Variants in ALK observed in about 807,000 individuals in gnomAD.
The protein encoded by ALK is ALK receptor tyrosine kinase.
ALK carries 74 observed loss-of-function variants against 163.1 expected under a neutral mutation model. The observed-to-expected ratio is 0.45, with a 90% CI of 0.38 to 0.55. ALK has a LOEUF of 0.55. Ranked by LOEUF, ALK falls within the 20% of genes least tolerant of loss-of-function variation. The pLI is 0.00. For missense variants in ALK, 2,063 were observed against 2,105.3 expected (o/e 0.98, Z 0.39); for synonymous variants, 960 against 843.2 (o/e 1.14, Z -2.40).
intron 27 of ALK, 46 bp from the exon 28 acceptor site, chr2:29,196,906 T>A (rs2148142103): frequency 1.4e-6 from 2 of 1,474,694 alleles, no homozygotes; most frequent in Non-Finnish European, 1.9e-6. Flanking sequence ...AGCACAATGA[T>A]GAAAAATATA....
chr2:29,445,895 C>T (rs1356340102), intron 4 of ALK, among the ~76,000 whole-genome samples: 1 of 150,404 alleles, frequency 6.6e-6, no homozygotes, highest in Admixed American at 6.6e-5. Flanking sequence ...GTCAGGAGAT[C>T]GAGACCATCC....
intron 4 of ALK, among the ~76,000 whole-genome samples, chr2:29,505,206 T>A (rs1300190711): frequency 1.3e-5 from 2 of 152,084 alleles, no homozygotes; most frequent in African/African-American, 4.8e-5. Context: ...GAGAAGGCTG[T>A]GAATTCTCTA....
At chr2:29,696,287 GA>G (rs1326785289) in intron 2 of ALK, among the ~76,000 whole-genome samples, 1 of 152,066 alleles carries the variant, frequency 6.6e-6, no homozygotes, top group East Asian at 1.9e-4. Context: ...CACAGGAACA[GA>G]AAACCAAATA....
At chr2:29,300,228 A>G (rs992173078) in intron 8 of ALK, among the ~76,000 whole-genome samples, 1 of 152,164 alleles carries the variant, frequency 6.6e-6, no homozygotes, top group Non-Finnish European at 1.5e-5. Flanking sequence ...GAGTGGAGGA[A>G]GGTGGAAGTG....
intron 3 of ALK, among the ~76,000 whole-genome samples, chr2:29,583,035 G>GTTTTTTTTTTTTTTTTT (rs10637189): frequency 7.1e-4 from 77 of 108,028 alleles, no homozygotes; most frequent in African/African-American, 1.9e-3. Flanking sequence ...GCTAACTTTT[G>GTTTTTTTTTTTTTTTTT]TTTTTTGTTT....
intron 11 of ALK, among the ~76,000 whole-genome samples, chr2:29,252,255 T>G (rs542972435): frequency 6.6e-6 from 1 of 150,834 alleles, no homozygotes; most frequent in East Asian, 2.0e-4. Flanking sequence ...AGATCTCATG[T>G]TGGCCAAAAT....
rs1664879138 is a variant in ALK at position 29,253,721 on chromosome 2, AC to A, written c.2042-2455del. Reference sequence around the variant, plus strand: ...TAGTTCCTTGAAACCTGTTCTGCAGACCCAGGCTTTCCTTACAGCAAGCAGC... The same window carrying A: ...TAGTTCCTTGAAACCTGTTCTGCAGACCAGGCTTTCCTTACAGCAAGCAGC... On this transcript the variant is annotated intron_variant, in intron 11 of 28. Coordinates refer to ENST00000389048, the MANE Select transcript of ALK (RefSeq NM_004304.5). 3.3e-5 allele frequency among the ~76,000 whole-genome samples: 5 copies of A among 152,252 alleles called. No homozygotes were observed. The South Asian group carries it at 1.0e-3, about 32-fold the overall frequency.
chr2:29,690,905 G>A (rs1678376314), intron 3 of ALK, among the ~76,000 whole-genome samples: 1 of 151,984 alleles, frequency 6.6e-6, no homozygotes, highest in Non-Finnish European at 1.5e-5. Context: ...AATACTAAAG[G>A]CAACCCATCC....
rs1412310748 is a variant in ALK at position 29,240,393 on chromosome 2, G to GTCT, written c.2205-566_2205-564dup. ...AGGATTAAAGAAATTAAGACATGTG[G>GTCT]TCTTAGAATTGTGGCTGACATGTAA... On this transcript the variant is annotated intron_variant, in intron 12 of 28. Coordinates refer to ENST00000389048, the MANE Select transcript of ALK (RefSeq NM_004304.5). 7.2e-5 allele frequency among the ~76,000 whole-genome samples: 11 copies of GTCT among 152,082 alleles called. No homozygotes were observed. In the East Asian group the frequency reaches 2.1e-3, roughly 29 times the overall value.
chr2:29,517,129 T>C (rs1672691223), intron 4 of ALK, among the ~76,000 whole-genome samples: 1 of 152,118 alleles, frequency 6.6e-6, no homozygotes, highest in Non-Finnish European at 1.5e-5. Context: ...GAGGCTGTAG[T>C]GGAAAAAATG....
intron 8 of ALK, among the ~76,000 whole-genome samples, chr2:29,310,204 C>A (rs1056440480): frequency 6.6e-6 from 1 of 152,064 alleles, no homozygotes; most frequent in African/African-American, 2.4e-5. Context: ...GTTGGGCAGA[C>A]CTGGTTTGAA....
intron 1 of ALK, among the ~76,000 whole-genome samples, chr2:29,858,049 G>A (rs989023323): frequency 1.8e-4 from 13 of 74,020 alleles, no homozygotes; most frequent in African/African-American, 5.6e-4. Flanking sequence ...TGGTGTGTAT[G>A]TGTGTGTGCA....
intron 2 of ALK, among the ~76,000 whole-genome samples, chr2:29,706,238 A>C (rs77976080): frequency 0.07 from 10,585 of 152,270 alleles, 473 homozygotes; most frequent in Admixed American, 0.12. Flanking sequence ...ACTTCACTCT[A>C]GCCAGCTGGT....
rs186925054 is a variant in ALK at position 29,360,494 on chromosome 2, C to T, written c.1282+23238G>A. Among the ~76,000 whole-genome samples, 224 of 152,292 alleles carry T rather than the reference C, an allele frequency of 1.5e-3. 2 individuals are homozygous for T. Among genetic ancestry groups the T allele is most frequent in the African/African-American group, 5.1e-3 (212 of 41,572 alleles). On this transcript the variant is annotated intron_variant, in intron 5 of 28. Coordinates refer to ENST00000389048, the MANE Select transcript of ALK (RefSeq NM_004304.5). ...CCTGACACAAGGCTCGTCCTGCCCA[C>T]GATGGATTCTTTCCTCTGAAGCCAT...
At chr2:29,219,644 A>T (rs1669731246) in intron 23 of ALK, among the ~76,000 whole-genome samples, 1 of 152,208 alleles carries the variant, frequency 6.6e-6, no homozygotes, top group South Asian at 2.1e-4. Context: ...CTGCAGACCC[A>T]AGCATGGGCA....
rs116695535 is a variant in ALK, at chr2:29,250,970, C to A, written c.2204+135G>T. 8,449 of 798,426 alleles carry A rather than the reference C, an allele frequency of 0.011. 82 individuals carry two copies. Among genetic ancestry groups the A allele is most frequent in the Non-Finnish European group, 0.013 (6,864 of 511,658 alleles). 49.5% of individuals were successfully genotyped at this position (798,426 alleles called of 1,614,324 possible). A position where few individuals can be genotyped will look rare whatever the true frequency, so the allele number is the denominator to read the frequency against. On this transcript the variant is annotated intron_variant, in intron 12 of 28. Transcript: ENST00000389048. ...ATCTCCCCATCTCCAACCTTTATAC[C>A]CCCTATGGGCCTGAGTCTGTTGCCT...
intron 4 of ALK, among the ~76,000 whole-genome samples, chr2:29,416,131 T>C (rs1189849638): frequency 2.0e-5 from 3 of 152,234 alleles, no homozygotes; most frequent in Non-Finnish European, 4.4e-5. Flanking sequence ...TGCTTTCATA[T>C]GTCTATATAT....
intron 6 of ALK, among the ~76,000 whole-genome samples, chr2:29,322,552 G>A (rs189542807): frequency 1.1e-4 from 17 of 152,306 alleles, no homozygotes; most frequent in African/African-American, 3.4e-4. Flanking sequence ...ACCAAGGCCC[G>A]ACAGGGCACG....
chr2:29,772,717 T>C (rs1681061408), intron 1 of ALK, among the ~76,000 whole-genome samples: 4 of 152,220 alleles, frequency 2.6e-5, no homozygotes. Context: ...CTACTGTTTT[T>C]CACGACAAGC....
Sources: allele counts gnomAD v4.1 joint callset (sites outside exome capture counted in the v4.1 genomes callset), GRCh38; gene constraint gnomAD v4.1.1; transcripts MANE v1.5; gene names NCBI Gene and HGNC (gene_info 2026-07-23, HGNC 2026-07-21).